The following CCDC120 variants were observed in gnomAD, a reference collection of about 807,000 sequenced individuals.
The protein encoded by CCDC120 is coiled-coil domain containing 120.
Under a neutral mutation model 37.6 loss-of-function variants are expected in CCDC120, and 16 were observed. The observed-to-expected ratio is 0.43, with a 90% CI of 0.29 to 0.65. The LOEUF (loss-of-function observed/expected upper bound fraction) is 0.65, where lower values mean the gene tolerates loss of function less well. CCDC120 is among the 30% of genes least tolerant of loss of function. The pLI is 0.18. For missense variants in CCDC120, 650 were observed against 657.4 expected, an observed-to-expected ratio of 0.99 and a Z score of 0.12; for synonymous variants, 309 against 275.4, an observed-to-expected ratio of 1.12 and a Z score of -1.21.
chrX:49,067,604 G>C lies in CCDC120; in HGVS notation c.1490G>C (p.Trp497Ser), dbSNP rs782801960. ...CCCCGCAGTGGCGGTGGAACAGGCT[G>C]GGGGGAGCTGCCGCCTGCAGCTGAG... ...GLPRSGGGTG[W>S]GELPPAAEVP... Residue 497 changes from tryptophan (W) to serine (S), a missense_variant, in exon 10 of 11, where the codon TGG becomes TCG. By Grantham distance (177) the Trp-to-Ser change is radical. Coordinates refer to ENST00000603986, the MANE Select transcript of CCDC120 (RefSeq NM_001163321.4). 8.4e-7 allele frequency: 1 copy of C among 1,183,932 alleles called. No homozygotes were observed. Among genetic ancestry groups the C allele is most frequent in the Non-Finnish European group, 1.1e-6 (1 of 879,648 alleles).
chrX:49,067,311 G>T lies in CCDC120; in HGVS notation c.1197G>T (p.Leu399=). 8.3e-7 allele frequency: 1 copy of T among 1,210,178 alleles called. No homozygotes were observed. The highest frequency in any genetic ancestry group is 1.1e-6 in the Non-Finnish European group (1 of 894,919). The change falls in exon 10 of 11, where the codon CTG becomes CTT. Residue 399 remains leucine, a synonymous_variant. Coordinates refer to ENST00000603986, the MANE Select transcript of CCDC120 (RefSeq NM_001163321.4). The stretch of plus-strand genomic sequence containing the variant: ...GCCGCAGCAACAGTTCTGAGGCCCT[G>T]CTGGTGGACCGGGCCGCTGGTGGGG... ...RTRRSNSSEA[L]LVDRAAGGGA...
intron 1 of CCDC120, 137 bp downstream of exon 1, chrX:49,059,232 G>A: frequency 2.8e-6 from 1 of 355,603 alleles, no homozygotes; most frequent in Non-Finnish European, 3.6e-6. Flanking sequence ...AGGGCAGGGT[G>A]GTGGTGGGGG....
chrX:49,067,805 A>T lies in CCDC120; in HGVS notation c.1691A>T (p.His564Leu), dbSNP rs1557081935. 1.0e-5 allele frequency: 12 copies of T among 1,192,169 alleles called. No homozygotes were observed. Among genetic ancestry groups the T allele is most frequent in the Non-Finnish European group, 1.2e-5 (11 of 884,881 alleles). The change falls in exon 10 of 11, where the codon CAT becomes CTT. Residue 564 changes from histidine to leucine, a missense_variant. By Grantham distance (99) the His-to-Leu change is moderately conservative (BLOSUM62 -3). Transcript: ENST00000603986. ...PPEAAEGPEV[H>L]PNPLLWMPPP... ...GAGGCTGCCGAAGGCCCTGAGGTGC[A>T]TCCAAACCCTCTGCTGTGGATGCCC...
chrX:49,063,486 G>A (rs1276323408), intron 4 of CCDC120, among the ~76,000 whole-genome samples: 1 of 111,970 alleles, frequency 8.9e-6, no homozygotes, highest in Non-Finnish European at 1.9e-5. Flanking sequence ...TGTAGTTTCA[G>A]TTTACCCCTC....
At chrX:49,062,356 C>T in intron 3 of CCDC120, 31 bp downstream of exon 3, 1 of 1,205,407 alleles carries the variant, frequency 8.3e-7, no homozygotes, top group Non-Finnish European at 1.1e-6. Context: ...CTGCTGCCTC[C>T]TCCCCTGCTC....
At chrX:49,063,476 T>G (rs192183559) in intron 4 of CCDC120, among the ~76,000 whole-genome samples, 117 of 112,145 alleles carry the variant, frequency 1.0e-3, no homozygotes, top group Non-Finnish European at 1.4e-3. Flanking sequence ...CAGGCTGATC[T>G]GTAGTTTCAG....
intron 1 of CCDC120, among the ~76,000 whole-genome samples, chrX:49,059,793 C>T (rs1226567587): frequency 9.2e-6 from 1 of 108,757 alleles, no homozygotes; most frequent in Non-Finnish European, 1.9e-5. Context: ...TGCAGCTGGT[C>T]CCTGGGACAG....
chrX:49,066,207 C>T (rs201002398), intron 9 of CCDC120, among the ~76,000 whole-genome samples: 5 of 109,889 alleles, frequency 4.6e-5, no homozygotes, highest in Admixed American at 1.9e-4. Flanking sequence ...CCAGCCTGGG[C>T]GACAAGAGCG....
At chrX:49,061,815 TAA>T in intron 1 of CCDC120, 142 bp from the exon 2 acceptor site, 1 of 617,173 alleles carries the variant, frequency 1.6e-6, no homozygotes, top group Non-Finnish European at 2.4e-6. Flanking sequence ...TCCTCATCTC[TAA>T]AATGGGGATA....
chrX:49,064,492 C>T lies in CCDC120; in HGVS notation c.552C>T (p.Val184=), dbSNP rs1557080483. The change falls in exon 6 of 11, where the codon GTC becomes GTT. Residue 184 remains valine (V), a synonymous_variant. Transcript: ENST00000603986. ...STEQRRRRRQ[V]QADALRRLHE... ...AGCAGCGCCGGCGCCGGCGCCAGGTCCAGGCAGATGCACTGAGGAGGCTGC... is the reference window on the plus strand; with the variant it reads ...AGCAGCGCCGGCGCCGGCGCCAGGTTCAGGCAGATGCACTGAGGAGGCTGC... The T allele has an allele frequency of 8.4e-7, 1 of 1,183,540 alleles. No individual in the cohort carries two copies. The highest frequency in any genetic ancestry group is 1.1e-6 in the Non-Finnish European group (1 of 882,143).
rs782011731 is a variant in CCDC120, at chrX:49,067,385, C to G, written c.1271C>G (p.Pro424Arg). Residue 424 changes from proline to arginine, a missense_variant, in exon 10 of 11, where the codon CCA becomes CGA. This residue lies in a region of CCDC120 where 576 missense variants were observed against 565.3 expected (regional missense o/e 1.02). Transcript: ENST00000603986. ...CTGGCTCCCTCTGCCTCTGGCCCCC[C>G]AGTCTGCAAGAGCAGTGAGGTGCTG... is the stretch of plus-strand genomic sequence containing the variant. ...APLAPSASGP[P>R]VCKSSEVLYE... 1.7e-6 allele frequency: 2 copies of G among 1,195,781 alleles called. No individual in the cohort carries two copies. The highest frequency in any genetic ancestry group is 3.5e-5 in the African/African-American group (2 of 56,969).
At chrX:49,061,381 TACTC>T (rs1311875288) in intron 1 of CCDC120, among the ~76,000 whole-genome samples, 2 of 112,184 alleles carry the variant, frequency 1.8e-5, no homozygotes, top group African/African-American at 6.5e-5. Flanking sequence ...CTCATTTACT[TACTC>T]TATCTTTTAT....
At chrX:49,061,245 T>C (rs1331088331) in intron 1 of CCDC120, among the ~76,000 whole-genome samples, 1 of 112,008 alleles carries the variant, frequency 8.9e-6, no homozygotes, top group Non-Finnish European at 1.9e-5. Flanking sequence ...CAGGCTGTCA[T>C]GGCAAGAGGG....
At chrX:49,057,051 G>C (rs1215721369), upstream of CCDC120, among the ~76,000 whole-genome samples, 1 of 111,883 alleles carries the variant, frequency 8.9e-6, no homozygotes, top group East Asian at 2.8e-4. Context: ...CCATTTACTA[G>C]TGACAGCAGG....
At chrX:49,055,127 T>C (rs1166254578), upstream of CCDC120, among the ~76,000 whole-genome samples, 2 of 112,369 alleles carry the variant, frequency 1.8e-5, no homozygotes, top group African/African-American at 6.5e-5. Flanking sequence ...TGATCTTACA[T>C]AGAGCTTACA....
chrX:49,066,878 C>A (rs782497762), intron 9 of CCDC120: 3 of 297,483 alleles, frequency 1.0e-5, no homozygotes, highest in African/African-American at 2.7e-5. Flanking sequence ...GCCCCCTGCC[C>A]GGCATCTACT....
At chrX:49,065,999 G>C (rs1366829374) in intron 9 of CCDC120, among the ~76,000 whole-genome samples, 154 bp downstream of exon 9, 1 of 111,916 alleles carries the variant, frequency 8.9e-6, no homozygotes, top group Non-Finnish European at 1.9e-5. Context: ...GAGGCGGGCG[G>C]GTTACTTGAG....
At chrX:49,055,920 A>C (rs140600875), upstream of CCDC120, among the ~76,000 whole-genome samples, 881 of 112,194 alleles carry the variant, frequency 7.9e-3, 5 homozygotes, top group Non-Finnish European at 0.013. Context: ...TTCACATCTT[A>C]CATAGTGAGT....
At chrX:49,059,848 T>G (rs2064864019) in intron 1 of CCDC120, among the ~76,000 whole-genome samples, 1 of 96,304 alleles carries the variant, frequency 1.0e-5, no homozygotes, top group African/African-American at 3.9e-5. Context: ...CTGGGGTTGG[T>G]GTGGGGGTGT....
Sources: allele counts gnomAD v4.1 joint callset (sites outside exome capture counted in the v4.1 genomes callset), GRCh38; gene constraint gnomAD v4.1.1; regional missense constraint gnomAD v4.1.1; transcripts MANE v1.5; gene names NCBI Gene and HGNC (gene_info 2026-07-23, HGNC 2026-07-21).